Variants in SNAP47 observed in about 807,000 individuals in gnomAD.
SNAP47 encodes the protein synaptosomal-associated protein 47.
SNAP47 carries 20 observed loss-of-function variants against 31.4 expected under a neutral mutation model. The ratio of observed to expected loss-of-function variants is 0.64; its 90% CI spans 0.45 to 0.93. The LOEUF is 0.93. SNAP47 is among the 40% of genes least tolerant of loss of function. The pLI, the probability that SNAP47 is intolerant of heterozygous loss-of-function variation, is 0.00. For missense variants in SNAP47, 492 were observed against 528.5 expected (o/e 0.93, Z 0.68); for synonymous variants, 194 against 213.4 (o/e 0.91, Z 0.79).
chr1:227,752,422 C>T (rs1662436962), intron 2 of SNAP47, among the ~76,000 whole-genome samples: 1 of 152,148 alleles, frequency 6.6e-6, no homozygotes, highest in Non-Finnish European at 1.5e-5. Flanking sequence ...CCACCCGCCC[C>T]ACACCTGCCC....
At chr1:227,751,932 T>G (rs1662398484) in intron 2 of SNAP47, among the ~76,000 whole-genome samples, 1 of 151,678 alleles carries the variant, frequency 6.6e-6, no homozygotes. Flanking sequence ...CCTGGCTAAT[T>G]TTTTTGTATT....
intron 2 of SNAP47, among the ~76,000 whole-genome samples, chr1:227,751,856 C>T (rs946618003): frequency 1.6e-4 from 23 of 142,986 alleles, no homozygotes; most frequent in African/African-American, 5.5e-4. Flanking sequence ...CTCCGCCTCC[C>T]GGGTTCCTGC....
chr1:227,766,968 TG>T lies in SNAP47; in HGVS notation c.999del (p.Met334TrpfsTer36). 1 of 1,613,806 alleles carries T rather than the reference TG, an allele frequency of 6.2e-7. No individual in the cohort carries two copies. Among genetic ancestry groups the T allele is most frequent in the Non-Finnish European group, 8.5e-7 (1 of 1,180,022 alleles). ...TCTGCTCTCCTTGCAGCATCTGGGC[TG>T]ATGGGCCGTACCCTGCACCGTGAGC... ...SCSVWHAASG[L>X]MGRTLHREPP... On this transcript the variant is annotated frameshift_variant, in exon 4 of 5. Coordinates refer to ENST00000617596, the MANE Select transcript of SNAP47 (RefSeq NM_053052.4). LOFTEE classifies it high-confidence loss of function.
upstream of SNAP47, chr1:227,732,803 G>A (rs1252060071): frequency 6.9e-6 from 11 of 1,595,816 alleles, no homozygotes; most frequent in African/African-American, 2.7e-5. Flanking sequence ...GAGAAGCTGC[G>A]CGGTGACCAA....
intron 4 of SNAP47, chr1:227,776,365 C>T (rs549125249): frequency 4.1e-6 from 4 of 987,596 alleles, no homozygotes; most frequent in Non-Finnish European, 4.8e-6. Context: ...CACTTTTAAT[C>T]AGGTAGTTTC....
chr1:227,750,624 T>A (rs1662286504), intron 2 of SNAP47, among the ~76,000 whole-genome samples: 1 of 152,138 alleles, frequency 6.6e-6, no homozygotes, highest in Admixed American at 6.5e-5. Flanking sequence ...CCTGGCTCGC[T>A]GCTGAGGGGT....
At chr1:227,740,638 C>T (rs1661526641) in intron 1 of SNAP47, among the ~76,000 whole-genome samples, 2 of 152,184 alleles carry the variant, frequency 1.3e-5, no homozygotes, top group African/African-American at 4.8e-5. Flanking sequence ...CACCTTCCCC[C>T]AAGTGTGTTG....
intron 4 of SNAP47, chr1:227,776,462 C>G: frequency 1.0e-6 from 1 of 985,956 alleles, no homozygotes; most frequent in South Asian, 4.7e-5. Flanking sequence ...TGATTTGCGC[C>G]TCGCCTCTGA....
At chr1:227,777,985 A>G (rs1664258071) in intron 4 of SNAP47, among the ~76,000 whole-genome samples, 1 of 152,262 alleles carries the variant, frequency 6.6e-6, no homozygotes, top group Non-Finnish European at 1.5e-5. Flanking sequence ...ATGTCAGCTT[A>G]CATTGCATAT....
intron 1 of SNAP47, 90 bp from the exon 2 acceptor site, chr1:227,747,602 A>C: frequency 7.3e-7 from 1 of 1,368,716 alleles, no homozygotes; most frequent in Non-Finnish European, 1.0e-6. Flanking sequence ...GTGTGAGCCC[A>C]GAGCCGCAGG....
At chr1:227,771,533 T>TA (rs1388991673) in intron 4 of SNAP47, among the ~76,000 whole-genome samples, 1 of 152,080 alleles carries the variant, frequency 6.6e-6, no homozygotes, top group African/African-American at 2.4e-5. Flanking sequence ...AACTCAGACT[T>TA]ATGGCAGCTG....
chr1:227,755,047 C>T (rs1246899403), intron 2 of SNAP47, among the ~76,000 whole-genome samples: 1 of 152,178 alleles, frequency 6.6e-6, no homozygotes, highest in Non-Finnish European at 1.5e-5. Context: ...GGGGGTCAGA[C>T]ATGCCTCATT....
At chr1:227,729,649 G>A (rs563520422) in intron 1 of SNAP47, among the ~76,000 whole-genome samples, 5 of 152,252 alleles carry the variant, frequency 3.3e-5, no homozygotes, top group African/African-American at 1.2e-4. Flanking sequence ...ACAAGCATGA[G>A]GATGGTCTTG....
upstream of SNAP47, chr1:227,732,223 T>C (rs533865821): frequency 8.2e-6 from 6 of 732,002 alleles, no homozygotes; most frequent in Admixed American, 1.1e-4. Flanking sequence ...CTGACCTCAT[T>C]GGGCCTCACC....
chr1:227,780,477 A>G, intron 4 of SNAP47, 50 bp from the exon 5 acceptor site: 1 of 1,609,724 alleles, frequency 6.2e-7, no homozygotes, highest in Non-Finnish European at 8.5e-7. Flanking sequence ...TGTCTGTGCT[A>G]GAGTTTGCAG....
chr1:227,735,258 G>A (rs759354399), upstream of SNAP47: 35 of 1,603,844 alleles, frequency 2.2e-5, no homozygotes, highest in African/African-American at 2.7e-5. Context: ...GCGAGGGCGC[G>A]CGTCTCGCGG....
In SNAP47 at chr1:227,759,496, G is replaced by A. The variant is rs374009517; in HGVS notation, c.988+11G>A. On this transcript the variant is annotated intron_variant, in intron 3 of 4. Coordinates refer to ENST00000617596, the MANE Select transcript of SNAP47 (RefSeq NM_053052.4). Reference sequence around the variant, plus strand: ...CAGTCTGGCATGCAGGTTAGTGACCGACAAGGCAGTGAGCGCGTGCACAGA... The same window carrying A: ...CAGTCTGGCATGCAGGTTAGTGACCAACAAGGCAGTGAGCGCGTGCACAGA... 4.4e-5 allele frequency: 71 copies of A among 1,611,680 alleles called. No homozygotes were observed. The African/African-American group carries it at 6.1e-4, about 14-fold the overall frequency.
At chr1:227,775,895 G>C (rs573649766) in intron 4 of SNAP47, 148 of 1,303,010 alleles carry the variant, frequency 1.1e-4, no homozygotes, top group Non-Finnish European at 1.5e-4. Context: ...GGCAGCAAGC[G>C]GAAGCTTTTC....
upstream of SNAP47, chr1:227,733,071 G>A (rs762424053): frequency 1.1e-5 from 17 of 1,605,190 alleles, no homozygotes; most frequent in Non-Finnish European, 1.4e-5. Flanking sequence ...CATGGCAGGT[G>A]CCCCCTGACC....
Sources: gnomAD v4.1 joint callset for allele counts (sites outside exome capture counted in the v4.1 genomes callset) on GRCh38, gnomAD v4.1.1 for gene constraint, MANE v1.5 for transcripts, NCBI Gene and HGNC (gene_info 2026-07-23, HGNC 2026-07-21) for gene names.